Variants in LIN28A observed in about 807,000 individuals in gnomAD.
The protein encoded by LIN28A is protein lin-28 homolog A.
A neutral mutation model predicts 21.1 loss-of-function variants in LIN28A; 11 were observed. The observed-to-expected ratio is 0.52, with a 90% CI of 0.33 to 0.86. The LOEUF is 0.86. LIN28A is among the 40% of genes least tolerant of loss of function. The pLI is 0.03. For missense variants in LIN28A, 219 were observed against 279.8 expected (o/e 0.78, Z 1.55); for synonymous variants, 111 against 108.7 (o/e 1.02, Z -0.13).
rs375562093 is a variant in LIN28A, at chr1:26,410,887, C to T, written c.-5C>T. On this transcript the variant is annotated 5_prime_UTR_variant, in exon 1 of 4. The change creates a new upstream start codon in the 5' untranslated region. Transcript: ENST00000326279. ...GGCCCGGGGCCACGGGCTCAGCCGA[C>T]GACCATGGGCTCCGTGTCCAACCAG... 4.6e-5 allele frequency: 74 copies of T among 1,610,290 alleles called. No homozygotes were observed. Among genetic ancestry groups the T allele is most frequent in the Non-Finnish European group, 5.8e-5 (68 of 1,179,052 alleles).
chr1:26,418,542 T>TAAAAA (rs10680192), intron 2 of LIN28A, among the ~76,000 whole-genome samples: 1 of 144,436 alleles, frequency 6.9e-6, no homozygotes, highest in African/African-American at 2.6e-5. Flanking sequence ...CCAGACTTTT[T>TAAAAA]AAAAAAAAAA....
Position 26,426,231 on chromosome 1 carries a change from CT to C in LIN28A, c.414-8del. The C allele has an allele frequency of 1.2e-6, 2 of 1,611,292 alleles. No homozygotes were observed. Among genetic ancestry groups the C allele is most frequent in the Non-Finnish European group, 1.7e-6 (2 of 1,177,456 alleles). On this transcript the variant is annotated splice_polypyrimidine_tract_variant and intron_variant, in intron 3 of 3. Transcript: ENST00000326279. The stretch of plus-strand genomic sequence containing the variant: ...CCTTTCTCTTACTTTTACGATCTTG[CT>C]TTGTACTAGGTGCTACAACTGTGGA...
intron 2 of LIN28A, among the ~76,000 whole-genome samples, chr1:26,420,309 G>A (rs1018136859): frequency 6.6e-6 from 1 of 152,016 alleles, no homozygotes; most frequent in East Asian, 1.9e-4. Context: ...GTGAAACAGC[G>A]AGAGAGGTAT....
intron 2 of LIN28A, among the ~76,000 whole-genome samples, chr1:26,424,393 C>G (rs568465109): frequency 3.3e-5 from 5 of 152,084 alleles, no homozygotes; most frequent in Admixed American, 6.5e-5. Context: ...AGGCGCCCAC[C>G]ACCACACCCG....
chr1:26,423,427 T>C (rs1270664629), intron 2 of LIN28A, among the ~76,000 whole-genome samples: 1 of 136,330 alleles, frequency 7.3e-6, no homozygotes, highest in Non-Finnish European at 1.6e-5. Context: ...TTTTTTTTTT[T>C]TTTTTTTTTG....
intron 2 of LIN28A, among the ~76,000 whole-genome samples, chr1:26,422,086 G>A (rs181434504): frequency 2.0e-5 from 3 of 149,498 alleles, no homozygotes; most frequent in Admixed American, 6.8e-5. Context: ...TCTGCTCACT[G>A]CAACCTCTGC....
chr1:26,412,039 G>A (rs192830354), intron 2 of LIN28A, among the ~76,000 whole-genome samples: 47 of 152,356 alleles, frequency 3.1e-4, no homozygotes, highest in African/African-American at 8.7e-4. Context: ...GGACCCAAGG[G>A]GCGTAAAGCC....
At chr1:26,423,470 C>T (rs1398943342) in intron 2 of LIN28A, among the ~76,000 whole-genome samples, 9 of 115,522 alleles carry the variant, frequency 7.8e-5, no homozygotes, top group South Asian at 2.8e-4. Context: ...AGTAGAATGG[C>T]GCAATCTTGG....
intron 2 of LIN28A, among the ~76,000 whole-genome samples, chr1:26,419,134 G>A (rs957258146): frequency 6.6e-6 from 1 of 151,982 alleles, no homozygotes. Flanking sequence ...TGGAATGGGG[G>A]TGGTACAAGA....
At chr1:26,423,416 T>TC (rs1244537339) in intron 2 of LIN28A, among the ~76,000 whole-genome samples, 1 of 87,010 alleles carries the variant, frequency 1.1e-5, no homozygotes, top group African/African-American at 7.4e-5. Context: ...TCTTTTTCTT[T>TC]TTTTTTTTTT....
intron 2 of LIN28A, among the ~76,000 whole-genome samples, chr1:26,423,921 C>T: frequency 6.6e-6 from 1 of 151,870 alleles, no homozygotes; most frequent in East Asian, 1.9e-4. Flanking sequence ...CGCCACCACG[C>T]CTGGCTAATT....
In LIN28A at chr1:26,426,242, G is replaced by T. The variant is rs751181707; in HGVS notation, c.414G>T (p.Arg138Ser). 6.2e-7 allele frequency: 1 copy of T among 1,613,546 alleles called. No individual in the cohort carries two copies. Among genetic ancestry groups the T allele is most frequent in the East Asian group, 2.2e-5 (1 of 44,882 alleles). Residue 138 changes from arginine (R) to serine (S), a missense_variant and splice_region_variant, in exon 4 of 4, where the codon AGG becomes AGT. Physicochemically the swap from Arg to Ser is moderately radical, Grantham distance 110. Transcript: ENST00000326279. The part of the protein sequence containing the change: ...SMQKRRSKGD[R>S]CYNCGGLDHH... Reference sequence around the variant, plus strand: ...CTTTTACGATCTTGCTTTGTACTAGGTGCTACAACTGTGGAGGTCTAGATC... The same window carrying T: ...CTTTTACGATCTTGCTTTGTACTAGTTGCTACAACTGTGGAGGTCTAGATC...
chr1:26,418,558 A>C (rs1412623251), intron 2 of LIN28A, among the ~76,000 whole-genome samples: 2 of 149,624 alleles, frequency 1.3e-5, no homozygotes, highest in African/African-American at 5.0e-5. Flanking sequence ...AAAAAAAAAG[A>C]AAAAGAAATG....
intron 2 of LIN28A, among the ~76,000 whole-genome samples, chr1:26,421,302 G>A (rs751747002): frequency 4.6e-5 from 7 of 152,200 alleles, no homozygotes; most frequent in South Asian, 2.1e-4. Flanking sequence ...AAGACTTTAC[G>A]TTGTTCTTAA....
Position 26,425,420 on chromosome 1 carries a change from T to C in LIN28A, c.346T>C (p.Phe116Leu), listed in dbSNP as rs1337089928. The change falls in exon 3 of 4, where the codon TTC becomes CTC. Residue 116 changes from phenylalanine to leucine, a missense_variant. By Grantham distance (22) the Phe-to-Leu change is conservative. Coordinates refer to ENST00000326279, the MANE Select transcript of LIN28A (RefSeq NM_024674.6). ...SIRVTGPGGV[F>L]CIGSERRPKG... ...CCGTGTCACCGGACCTGGTGGAGTA[T>C]TCTGTATTGGGAGTGAGAGGCGGCC... 3 of 1,613,870 alleles carry C rather than the reference T, an allele frequency of 1.9e-6. No individual in the cohort carries two copies. Among genetic ancestry groups the C allele is most frequent in the Non-Finnish European group, 2.5e-6 (3 of 1,180,020 alleles).
chr1:26,425,315 A>G lies in LIN28A; in HGVS notation c.241A>G (p.Met81Val), dbSNP rs1167783843. ...TTCCCTTCACCAGAGTAAGCTGCAC[A>G]TGGAAGGGTTCCGGAGCTTGAAGGA... Reference protein sequence around the residue: ...DVFVHQSKLHMEGFRSLKEGE... With the variant: ...DVFVHQSKLHVEGFRSLKEGE... The change falls in exon 3 of 4, where the codon ATG (methionine) becomes GTG (valine). Residue 81 changes from methionine to valine, a missense_variant. Transcript: ENST00000326279. 6.2e-7 allele frequency: 1 copy of G among 1,613,366 alleles called. No homozygotes were observed.
At position 26,411,428 on chromosome 1, in the gene LIN28A, C is replaced by G. The variant is rs749687753; in HGVS notation, c.74C>G (p.Pro25Arg). ...KAAEEAPEEAPEDAARAADEP... is the reference protein window; with the variant it reads ...KAAEEAPEEAREDAARAADEP... ...GCAGAAGAGGCGCCCGAGGAGGCGC[C>G]GGAGGACGCGGCCCGGGCGGCGGAC... Residue 25 changes from proline (P) to arginine (R), a missense_variant, in exon 2 of 4, where the codon CCG (proline) becomes CGG (arginine). Physicochemically the swap from Pro to Arg is moderately radical, Grantham distance 103. Transcript: ENST00000326279. The surrounding 1 kb of genome is among the most constrained non-coding windows in gnomAD (Gnocchi z 5.4). 2 of 1,605,942 alleles carry G rather than the reference C, an allele frequency of 1.2e-6. No homozygotes were observed. The highest frequency in any genetic ancestry group is 8.5e-7 in the Non-Finnish European group (1 of 1,176,666).
In LIN28A at chr1:26,426,692, G is replaced by A. The variant is rs1372080645; in HGVS notation, c.*234G>A. 17 of 507,728 alleles carry A rather than the reference G, an allele frequency of 3.3e-5. No individual in the cohort carries two copies. The Admixed American group carries it at 5.6e-4, about 17-fold the overall frequency. 31.5% of individuals were successfully genotyped at this position (507,728 alleles called of 1,614,324 possible). A position where few individuals can be genotyped will look rare whatever the true frequency, so the allele number is the denominator to read the frequency against. ...GGGTTCTGGGGGCAACCAGGAGGGG[G>A]GAATCACCCTACAACCTGCATACTT... On this transcript the variant is annotated 3_prime_UTR_variant, in exon 4 of 4. Coordinates refer to ENST00000326279, the MANE Select transcript of LIN28A (RefSeq NM_024674.6).
At chr1:26,412,492 G>A (rs1353840417) in intron 2 of LIN28A, among the ~76,000 whole-genome samples, 2 of 152,174 alleles carry the variant, frequency 1.3e-5, no homozygotes, top group Non-Finnish European at 2.9e-5. Context: ...AGGCATTCCG[G>A]TGGTCCTGGG....
Sources: gnomAD v4.1 joint callset for allele counts (sites outside exome capture counted in the v4.1 genomes callset) on GRCh38, gnomAD v4.1.1 for gene constraint, Gnocchi (gnomAD v3.1) non-coding constraint, MANE v1.5 for transcripts, NCBI Gene and HGNC (gene_info 2026-07-23, HGNC 2026-07-21) for gene names.